The following KLHL20 variants were observed in gnomAD, a reference collection of about 807,000 sequenced individuals.
KLHL20 encodes the protein kelch like family member 20, also known as kelch-like protein 20.
Under a neutral mutation model 69.5 loss-of-function variants are expected in KLHL20, and 29 were observed. That is an observed-to-expected ratio of 0.42 (90% CI 0.31 to 0.57). KLHL20 has a LOEUF of 0.57. Among genes scored for constraint, KLHL20 ranks in the 20% least tolerant of loss-of-function variants. The pLI, the probability that KLHL20 is intolerant of heterozygous loss-of-function variation, is 0.18. For synonymous variants in KLHL20, 253 were observed against 265.2 expected (o/e 0.95, Z 0.45); for missense variants, 419 against 776.0 (o/e 0.54, Z 5.47).
intron 7 of KLHL20, among the ~76,000 whole-genome samples, chr1:173,761,357 G>T (rs1345300987): frequency 6.6e-6 from 1 of 152,086 alleles, no homozygotes; most frequent in East Asian, 1.9e-4. Context: ...AGAAACAATG[G>T]ATTTAAACTA....
chr1:173,783,416 AG>A (rs1558229217), intron 11 of KLHL20, among the ~76,000 whole-genome samples: 1 of 152,238 alleles, frequency 6.6e-6, no homozygotes. Flanking sequence ...TCTCTAGGAA[AG>A]CCACAACTCT....
rs371211897 is a variant in KLHL20, at chr1:173,775,621, C to A, written c.1430-13C>A. The A allele has an allele frequency of 2.5e-6, 4 of 1,611,016 alleles. No individual in the cohort carries two copies. The highest frequency in any genetic ancestry group is 2.5e-6 in the Non-Finnish European group (3 of 1,178,240). On this transcript the variant is annotated splice_polypyrimidine_tract_variant and intron_variant, in intron 9 of 11. Coordinates refer to ENST00000209884, the MANE Select transcript of KLHL20 (RefSeq NM_014458.4). ...GTTGAATGCTCACTTACTGGTTTTT[C>A]TTTTCCCTACAGTGGAACGTTACAA...
chr1:173,732,689 T>A (rs1367593208), intron 2 of KLHL20, among the ~76,000 whole-genome samples: 2 of 152,176 alleles, frequency 1.3e-5, no homozygotes, highest in African/African-American at 4.8e-5. Context: ...CCAAATAAAC[T>A]TTTAGATTCA....
At chr1:173,740,757 G>A (rs1468694818) in intron 3 of KLHL20, among the ~76,000 whole-genome samples, 1 of 151,796 alleles carries the variant, frequency 6.6e-6, no homozygotes, top group African/African-American at 2.4e-5. Flanking sequence ...GGACTTTCAG[G>A]CCTTGCCCCT....
intron 7 of KLHL20, among the ~76,000 whole-genome samples, chr1:173,764,818 A>C (rs957243526): frequency 2.0e-5 from 3 of 152,192 alleles, no homozygotes; most frequent in Admixed American, 2.0e-4. Context: ...TAACCACTAA[A>C]GAACTTACTC....
intron 5 of KLHL20, 63 bp downstream of exon 5, chr1:173,753,370 T>A: frequency 8.5e-7 from 1 of 1,170,670 alleles, no homozygotes. Context: ...CCTAATTTCC[T>A]TATTTGTATT....
At chr1:173,784,897 C>T (rs9286887) in intron 11 of KLHL20, among the ~76,000 whole-genome samples, 13,843 of 152,150 alleles carry the variant, frequency 0.091, 2,037 homozygotes, top group African/African-American at 0.31. Context: ...TGATGCCAAA[C>T]GTGAATATGA....
intron 4 of KLHL20, 130 bp from the exon 5 acceptor site, chr1:173,753,083 A>C: frequency 1.5e-6 from 1 of 667,420 alleles, no homozygotes; most frequent in Admixed American, 2.4e-5. Context: ...TGAGGTAGGC[A>C]CATCACTTGA....
chr1:173,761,001 AAC>A (rs1191924579), intron 7 of KLHL20, among the ~76,000 whole-genome samples: 1 of 152,224 alleles, frequency 6.6e-6, no homozygotes, highest in East Asian at 1.9e-4. Flanking sequence ...AGACTCACCT[AAC>A]ACATAAGGAC....
chr1:173,731,363 C>G (rs1374704636), intron 2 of KLHL20, among the ~76,000 whole-genome samples: 3 of 152,164 alleles, frequency 2.0e-5, no homozygotes, highest in Non-Finnish European at 4.4e-5. Flanking sequence ...CATCCCAATA[C>G]TGGGTATATA....
At position 173,781,439 on chromosome 1, in the gene KLHL20, C is replaced by T. The variant is rs141892913; in HGVS notation, c.1639-685C>T. Among the ~76,000 whole-genome samples, 174 of 152,186 alleles carry T rather than the reference C, an allele frequency of 1.1e-3. 1 individual carries two copies. The highest frequency in any genetic ancestry group is 4.1e-3 in the African/African-American group (171 of 41,526). On this transcript the variant is annotated intron_variant, in intron 10 of 11. Coordinates refer to ENST00000209884, the MANE Select transcript of KLHL20 (RefSeq NM_014458.4). ...CAAGCAGTCCTCCTGCCTCAGCCTT[C>T]CAAGTAGCCGGGACTACAGGTATGC...
chr1:173,774,546 A>C (rs1432084500), intron 9 of KLHL20, 108 bp downstream of exon 9: 19 of 1,267,954 alleles, frequency 1.5e-5, no homozygotes, highest in Non-Finnish European at 2.0e-5. Context: ...ATTTACTAGG[A>C]AAATGCCTGA....
At chr1:173,769,872 C>T (rs1217790119) in intron 8 of KLHL20, among the ~76,000 whole-genome samples, 4 of 151,300 alleles carry the variant, frequency 2.6e-5, no homozygotes, top group Non-Finnish European at 2.9e-5. Flanking sequence ...ATCTCACATA[C>T]CCCATAAATA....
At chr1:173,719,104 CAAA>C (rs751845202) in intron 2 of KLHL20, among the ~76,000 whole-genome samples, 1 of 106,188 alleles carries the variant, frequency 9.4e-6, no homozygotes. Flanking sequence ...GACTCCGTCT[CAAA>C]AAAAAAAAGA....
intron 7 of KLHL20, among the ~76,000 whole-genome samples, chr1:173,761,740 G>T (rs147690407): frequency 6.6e-6 from 1 of 152,272 alleles, no homozygotes; most frequent in African/African-American, 2.4e-5. Context: ...AGCAAAGGCG[G>T]TGCTAAGAGG....
intron 9 of KLHL20, among the ~76,000 whole-genome samples, chr1:173,774,775 A>G (rs566679331): frequency 6.6e-6 from 1 of 152,294 alleles, no homozygotes; most frequent in South Asian, 2.1e-4. Flanking sequence ...AGAATAAATA[A>G]AAACTTAGAA....
chr1:173,739,646 CTTTTTTTTTTTT>C (rs60793132), intron 3 of KLHL20, among the ~76,000 whole-genome samples: 1 of 89,930 alleles, frequency 1.1e-5, no homozygotes, highest in Non-Finnish European at 2.2e-5. Context: ...TAATATCTCC[CTTTTTTTTTTTT>C]TTTTTTTTTT....
chr1:173,732,153 C>T (rs894976552), intron 2 of KLHL20, among the ~76,000 whole-genome samples: 2 of 151,524 alleles, frequency 1.3e-5, no homozygotes, highest in African/African-American at 2.4e-5. Context: ...GCCGAGATTG[C>T]GCCACTGCAG....
At chr1:173,741,783 T>C in intron 3 of KLHL20, 1 of 1,500,416 alleles carries the variant, frequency 6.7e-7, no homozygotes. Context: ...GGATGTGGAA[T>C]GCCCAGGATG....
Sources: allele counts gnomAD v4.1 joint callset (sites outside exome capture counted in the v4.1 genomes callset), GRCh38; gene constraint gnomAD v4.1.1; transcripts MANE v1.5; gene names NCBI Gene and HGNC (gene_info 2026-07-23, HGNC 2026-07-21).